The following DNAH3 variants were observed in gnomAD, a reference collection of about 807,000 sequenced individuals.
DNAH3 encodes the protein axonemal beta dynein heavy chain 3.
A neutral mutation model predicts 432.5 loss-of-function variants in DNAH3; 332 were observed. The observed-to-expected ratio is 0.77, with a 90% CI of 0.70 to 0.84. The LOEUF (loss-of-function observed/expected upper bound fraction) is 0.84. Ranked by LOEUF, DNAH3 falls within the 40% of genes least tolerant of loss-of-function variation. The pLI is 0.00. For synonymous variants in DNAH3, 1,956 were observed against 1,900.2 expected, an observed-to-expected ratio of 1.03 and a Z score of -0.76; for missense variants, 4,861 against 5,114.0, an observed-to-expected ratio of 0.95 and a Z score of 1.51.
intron 8 of DNAH3, among the ~76,000 whole-genome samples, chr16:21,127,219 G>C (rs1462153656): frequency 6.6e-6 from 1 of 151,948 alleles, no homozygotes; most frequent in African/African-American, 2.4e-5. Context: ...AAGGCAGAGG[G>C]AGACCAGGCA....
At chr16:20,944,520 T>C (rs2152570341) in exon 58 of DNAH3, 2 of 1,614,176 alleles carry the variant, frequency 1.2e-6, no homozygotes, top group Admixed American at 3.3e-5. Context: ...CACTTCCTCC[T>C]GACTGTCTAG....
intron 35 of DNAH3, among the ~76,000 whole-genome samples, chr16:21,034,563 T>C (rs1032165788): frequency 6.6e-6 from 1 of 152,248 alleles, no homozygotes; most frequent in Non-Finnish European, 1.5e-5. Context: ...TAGCAAATTG[T>C]GTTTCTCCTG....
intron 7 of DNAH3, among the ~76,000 whole-genome samples, chr16:21,132,984 G>A (rs1177007460): frequency 4.7e-5 from 7 of 149,870 alleles, no homozygotes; most frequent in Admixed American, 3.3e-4. Flanking sequence ...ACGGAGTTTC[G>A]CAAATTTAAT....
At chr16:21,054,048 T>C (rs1412317673) in intron 28 of DNAH3, among the ~76,000 whole-genome samples, 1 of 152,132 alleles carries the variant, frequency 6.6e-6, no homozygotes, top group Non-Finnish European at 1.5e-5. Flanking sequence ...CTGTGAAATA[T>C]CTATGAAAAT....
At chr16:21,091,276 ATCTT>A (rs1002303161) in intron 18 of DNAH3, among the ~76,000 whole-genome samples, 3 of 152,318 alleles carry the variant, frequency 2.0e-5, no homozygotes, top group African/African-American at 7.2e-5. Flanking sequence ...GCTTGATTTA[ATCTT>A]TCTATGATGT....
At chr16:20,946,127 C>G (rs1475508955) in intron 57 of DNAH3, among the ~76,000 whole-genome samples, 1 of 152,156 alleles carries the variant, frequency 6.6e-6, no homozygotes, top group African/African-American at 2.4e-5. Context: ...CCTCATTATG[C>G]CCCTCCAGCA....
At chr16:21,141,466 C>G (rs566012780) in intron 3 of DNAH3, 94 bp from the exon 5 acceptor site, 1 of 893,926 alleles carries the variant, frequency 1.1e-6, no homozygotes, top group South Asian at 1.5e-5. Context: ...AGTCCAGGAG[C>G]ACACTAAGGG....
chr16:20,990,017 C>A (rs1412517868), intron 44 of DNAH3, among the ~76,000 whole-genome samples: 1 of 152,248 alleles, frequency 6.6e-6, no homozygotes, highest in African/African-American at 2.4e-5. Flanking sequence ...CCCACTCGCG[C>A]CTCTCCCTCC....
intron 53 of DNAH3, among the ~76,000 whole-genome samples, chr16:20,962,953 C>G (rs1339243283): frequency 6.6e-6 from 1 of 152,204 alleles, no homozygotes; most frequent in Non-Finnish European, 1.5e-5. Flanking sequence ...GCCACCTCTC[C>G]GGAACCCTCA....
At chr16:20,938,589 C>T (rs557420463) in intron 59 of DNAH3, among the ~76,000 whole-genome samples, 56 of 146,636 alleles carry the variant, frequency 3.8e-4, no homozygotes, top group African/African-American at 1.3e-3. Flanking sequence ...AACACTTGCC[C>T]AGAAGACACA....
chr16:21,149,972 T>C (rs1044495003), intron 1 of DNAH3, among the ~76,000 whole-genome samples: 2 of 152,158 alleles, frequency 1.3e-5, no homozygotes, highest in African/African-American at 4.8e-5. Flanking sequence ...ACACCTGTAA[T>C]CCCAGCACTT....
chr16:21,136,451 T>C, exon 6 of DNAH3: 3 of 1,614,112 alleles, frequency 1.9e-6, no homozygotes, highest in Non-Finnish European at 2.5e-6. Context: ...GAACCATCAC[T>C]TCACCCTCCT....
At chr16:21,039,309 C>T (rs1036940967) in intron 33 of DNAH3, among the ~76,000 whole-genome samples, 6 of 150,956 alleles carry the variant, frequency 4.0e-5, no homozygotes, top group Non-Finnish European at 7.4e-5. Flanking sequence ...GCCTCCGCCT[C>T]CACGGTTCAA....
chr16:20,950,309 A>C (rs931718942), intron 56 of DNAH3, among the ~76,000 whole-genome samples: 2 of 152,114 alleles, frequency 1.3e-5, no homozygotes, highest in African/African-American at 4.8e-5. Flanking sequence ...CAGTCTTTCA[A>C]CCTTGGCACT....
intron 31 of DNAH3, among the ~76,000 whole-genome samples, chr16:21,043,314 C>T (rs2089533167): frequency 1.4e-5 from 2 of 143,112 alleles, no homozygotes; most frequent in African/African-American, 2.7e-5. Flanking sequence ...CCTATTTCTC[C>T]ACATCCTCTC....
At chr16:21,078,068 G>T (rs868489775) in intron 20 of DNAH3, among the ~76,000 whole-genome samples, 57 of 152,198 alleles carry the variant, frequency 3.7e-4, no homozygotes, top group South Asian at 2.7e-3. Flanking sequence ...CTGAGGTCAG[G>T]AGTTCGAGAC....
chr16:21,156,030 C>G lies in DNAH3; in HGVS notation c.117+3295G>C, dbSNP rs370171553. The stretch of plus-strand genomic sequence containing the variant: ...CATTTATTTCTCACTGCTCTGAAGG[C>G]TGGAAGTTCACAATCAGGGTGCCAG... On this transcript the variant is annotated intron_variant, in intron 1 of 61. Transcript: ENST00000261383. 3.8e-4 allele frequency among the ~76,000 whole-genome samples: 58 copies of G among 152,172 alleles called. 1 individual carries two copies. In the East Asian group the frequency reaches 5.4e-3, roughly 14 times the overall value.
rs776194079 is a variant in DNAH3 at position 21,058,112 on chromosome 16, G to A, written c.3898C>T (p.Gln1300Ter). Residue 1300 changes from glutamine to a stop codon, truncating the protein, a stop_gained, in exon 27 of 62, where the codon CAA (glutamine) becomes TAA (stop). Coordinates refer to ENST00000261383, the Ensembl canonical transcript of DNAH3. LOFTEE classifies it high-confidence loss of function. ...AGTAAGGTATTTTCCGCCAGGGCTT[G>A]GGACACCTCCTGGGTCCAAAAGATG... is the stretch of plus-strand genomic sequence containing the variant. The A allele has an allele frequency of 5.6e-6, 9 of 1,611,434 alleles. No homozygotes were observed. Among genetic ancestry groups the A allele is most frequent in the Non-Finnish European group, 7.6e-6 (9 of 1,177,668 alleles).
At chr16:21,091,016 G>T (rs1037562183) in intron 18 of DNAH3, among the ~76,000 whole-genome samples, 2 of 151,992 alleles carry the variant, frequency 1.3e-5, no homozygotes, top group African/African-American at 4.8e-5. Flanking sequence ...AGCTGGGTGT[G>T]GTGGTGTGCA....
Sources: gnomAD v4.1 joint callset for allele counts (sites outside exome capture counted in the v4.1 genomes callset) on GRCh38, gnomAD v4.1.1 for gene constraint, MANE v1.5 for transcripts, NCBI Gene and HGNC (gene_info 2026-07-23, HGNC 2026-07-21) for gene names.